The following CFAP299 variants were observed in gnomAD, a reference collection of about 807,000 sequenced individuals.
The protein encoded by CFAP299 is cilia- and flagella-associated protein 299.
A neutral mutation model predicts 27.0 loss-of-function variants in CFAP299; 21 were observed. That is an observed-to-expected ratio of 0.78 (90% CI 0.55 to 1.12). The LOEUF (loss-of-function observed/expected upper bound fraction) is 1.12. Ranked by LOEUF, CFAP299 falls within the 50% of genes most tolerant of loss-of-function variation. The pLI is 0.00. For missense variants in CFAP299, 310 were observed against 276.6 expected (o/e 1.12, Z -0.86); for synonymous variants, 104 against 98.1 (o/e 1.06, Z -0.36).
chr4:80,336,180 C>T (rs929725639), intron 1 of CFAP299, among the ~76,000 whole-genome samples: 1 of 152,236 alleles, frequency 6.6e-6, no homozygotes, highest in African/African-American at 2.4e-5. Flanking sequence ...CCTCCCAGCC[C>T]ACTCCCATTC....
intron 3 of CFAP299, among the ~76,000 whole-genome samples, chr4:80,723,048 A>T (rs1232988954): frequency 6.6e-6 from 1 of 152,228 alleles, no homozygotes; most frequent in African/African-American, 2.4e-5. Context: ...CCACAATGCG[A>T]TACTACTACA....
chr4:80,678,079 A>C lies in CFAP299; in HGVS notation c.333+94896A>C, dbSNP rs185202392. Among the ~76,000 whole-genome samples the C allele has an allele frequency of 2.6e-5, 4 of 152,104 alleles. No individual in the cohort carries two copies. In the East Asian group the frequency reaches 7.7e-4, roughly 29 times the overall value. ...TTTATCATCAATCTAGTTGTAATAC[A>C]TTAGTAGATGGTCTATTTTGGGTAT... On this transcript the variant is annotated intron_variant, in intron 3 of 5. Transcript: ENST00000358105.
At chr4:80,492,182 C>T (rs1731169816) in intron 2 of CFAP299, among the ~76,000 whole-genome samples, 1 of 152,142 alleles carries the variant, frequency 6.6e-6, no homozygotes, top group Admixed American at 6.6e-5. Flanking sequence ...CAATGCATTT[C>T]TTAAATGTAT....
In CFAP299 at chr4:80,963,617, C is replaced by T; in HGVS notation, c.*5C>T. 2.6e-6 allele frequency: 4 copies of T among 1,544,566 alleles called. No individual in the cohort carries two copies. Among genetic ancestry groups the T allele is most frequent in the South Asian group, 1.1e-5 (1 of 87,362 alleles). On this transcript the variant is annotated 3_prime_UTR_variant, in exon 6 of 6. Transcript: ENST00000358105. ...ATTTCCAGAAGGAAGACTTAAGTAC[C>T]AACATGTTAATTTCCTAATAATTTG...
chr4:80,727,684 A>G (rs931971999), intron 3 of CFAP299, among the ~76,000 whole-genome samples: 7 of 152,060 alleles, frequency 4.6e-5, no homozygotes, highest in African/African-American at 1.7e-4. Context: ...TAAATAAATG[A>G]TATCTATTAA....
intron 2 of CFAP299, among the ~76,000 whole-genome samples, chr4:80,523,548 CAGTA>C (rs1440381006): frequency 6.6e-6 from 1 of 152,048 alleles, no homozygotes; most frequent in Non-Finnish European, 1.5e-5. Flanking sequence ...TCAGTAGACT[CAGTA>C]AGGAAGATTG....
intron 2 of CFAP299, among the ~76,000 whole-genome samples, chr4:80,393,027 A>G (rs1725574896): frequency 6.6e-6 from 1 of 152,152 alleles, no homozygotes; most frequent in Non-Finnish European, 1.5e-5. Context: ...TTCCAGTGGG[A>G]TGAGACTTGG....
chr4:80,879,514 TA>T (rs1285238137), intron 4 of CFAP299, among the ~76,000 whole-genome samples: 14 of 152,232 alleles, frequency 9.2e-5, no homozygotes, highest in Non-Finnish European at 1.6e-4. Context: ...AATTTAGCTG[TA>T]GAAGTGACAG....
At chr4:80,924,310 G>A (rs1578242072) in intron 4 of CFAP299, among the ~76,000 whole-genome samples, 1 of 151,444 alleles carries the variant, frequency 6.6e-6, no homozygotes, top group Non-Finnish European at 1.5e-5. Flanking sequence ...TGATCTTACA[G>A]TTCAAAAAAA....
At chr4:80,479,670 G>A (rs1730457609) in intron 2 of CFAP299, among the ~76,000 whole-genome samples, 1 of 151,884 alleles carries the variant, frequency 6.6e-6, no homozygotes, top group South Asian at 2.1e-4. Flanking sequence ...AAAGAACATT[G>A]TGAAAAATCC....
chr4:80,571,683 T>A (rs1735586725), intron 2 of CFAP299, among the ~76,000 whole-genome samples: 1 of 151,830 alleles, frequency 6.6e-6, no homozygotes, highest in Non-Finnish European at 1.5e-5. Flanking sequence ...TAGGTTTAGA[T>A]GACATCATAA....
intron 4 of CFAP299, among the ~76,000 whole-genome samples, chr4:80,921,937 T>A (rs1736067405): frequency 6.6e-6 from 1 of 151,874 alleles, no homozygotes; most frequent in African/African-American, 2.4e-5. Flanking sequence ...AACATGGATG[T>A]CTCAAAAAAC....
chr4:80,883,139 A>T (rs559386635), intron 4 of CFAP299, among the ~76,000 whole-genome samples: 9 of 152,294 alleles, frequency 5.9e-5, no homozygotes, highest in South Asian at 4.1e-4. Context: ...TTTGACTCTA[A>T]TAACATTAAG....
chr4:80,386,897 G>A (rs1366979462), intron 2 of CFAP299: 1 of 845,182 alleles, frequency 1.2e-6, no homozygotes. Context: ...CCGAGCATTT[G>A]TAGGGCTTCT....
upstream of CFAP299, among the ~76,000 whole-genome samples, chr4:80,333,277 A>G (rs7656876): frequency 2.7e-3 from 413 of 152,294 alleles, 4 homozygotes; most frequent in South Asian, 0.019. Flanking sequence ...ATTTAGTATC[A>G]CCATTGTTTC....
chr4:80,675,922 C>T (rs1719420426), intron 3 of CFAP299, among the ~76,000 whole-genome samples: 1 of 152,090 alleles, frequency 6.6e-6, no homozygotes, highest in Admixed American at 6.5e-5. Context: ...TGGGAGTGTC[C>T]CTATTTTCCA....
intron 3 of CFAP299, among the ~76,000 whole-genome samples, chr4:80,740,948 C>T (rs566056761): frequency 6.6e-6 from 1 of 152,216 alleles, no homozygotes; most frequent in Admixed American, 6.5e-5. Flanking sequence ...TGTCAGGTCC[C>T]CTCTGGCCTA....
In CFAP299 at chr4:80,363,136, T is replaced by G. The variant is rs762922853; in HGVS notation, c.242+252T>G. 1.8e-4 allele frequency among the ~76,000 whole-genome samples: 27 copies of G among 152,208 alleles called. No individual in the cohort carries two copies. The highest frequency in any genetic ancestry group is 3.7e-4 in the Non-Finnish European group (25 of 68,028). On this transcript the variant is annotated intron_variant, in intron 2 of 5. Coordinates refer to ENST00000358105, the MANE Select transcript of CFAP299 (RefSeq NM_152770.3). ...TGGTCATCATACCAATAAAGTCTTG[T>G]TAAAAAGTAACTTGATATTATTGGT...
intron 3 of CFAP299, among the ~76,000 whole-genome samples, chr4:80,586,410 C>A (rs1264684175): frequency 1.3e-5 from 2 of 152,032 alleles, no homozygotes; most frequent in Non-Finnish European, 1.5e-5. Flanking sequence ...TGAAACAGTT[C>A]TTTGAGACAA....
Sources: gnomAD v4.1 joint callset for allele counts (sites outside exome capture counted in the v4.1 genomes callset) on GRCh38, gnomAD v4.1.1 for gene constraint, MANE v1.5 for transcripts, NCBI Gene and HGNC (gene_info 2026-07-23, HGNC 2026-07-21) for gene names.